Variants in MYT1L observed in about 807,000 individuals in gnomAD.
MYT1L encodes the protein myelin transcription factor 1 like.
Under a neutral mutation model 126.7 loss-of-function variants are expected in MYT1L, and 12 were observed. That is an observed-to-expected ratio of 0.09 (90% CI 0.06 to 0.15). The LOEUF is 0.15. Among genes scored for constraint, MYT1L ranks in the 10% least tolerant of loss-of-function variants. The pLI, the probability that MYT1L is intolerant of heterozygous loss-of-function variation, is 1.00. For synonymous variants in MYT1L, 541 were observed against 604.2 expected, an observed-to-expected ratio of 0.90 and a Z score of 1.53; for missense variants, 979 against 1,585.2, an observed-to-expected ratio of 0.62 and a Z score of 6.49.
intron 21 of MYT1L, among the ~76,000 whole-genome samples, chr2:1,832,313 C>T (rs1382542215): frequency 1.3e-5 from 2 of 152,194 alleles, no homozygotes; most frequent in African/African-American, 2.4e-5. Flanking sequence ...GGAACCTGAT[C>T]TCAGACTTCC....
intron 5 of MYT1L, among the ~76,000 whole-genome samples, chr2:1,985,980 G>A (rs1480483857): frequency 6.6e-6 from 1 of 152,224 alleles, no homozygotes; most frequent in Admixed American, 6.5e-5. Flanking sequence ...TGGGAGGACA[G>A]CCATAGGAAG....
chr2:2,069,924 T>C lies in MYT1L; in HGVS notation c.-303-15801A>G, dbSNP rs567033613. Reference sequence around the variant, plus strand: ...GCCCACTTTTTGATGGGGTTGTTTTTTCTTGTAAAATTTTTTTAAGGTACT... The same window carrying C: ...GCCCACTTTTTGATGGGGTTGTTTTCTCTTGTAAAATTTTTTTAAGGTACT... On this transcript the variant is annotated intron_variant, in intron 3 of 24. Coordinates refer to ENST00000647738, the MANE Select transcript of MYT1L (RefSeq NM_001303052.2). Among the ~76,000 whole-genome samples the C allele has an allele frequency of 1.8e-4, 27 of 151,214 alleles. No homozygotes were observed. In the South Asian group the frequency reaches 5.6e-3, roughly 31 times the overall value.
intron 14 of MYT1L, among the ~76,000 whole-genome samples, chr2:1,897,756 C>T (rs2049796526): frequency 6.6e-6 from 1 of 152,214 alleles, no homozygotes; most frequent in African/African-American, 2.4e-5. Flanking sequence ...AGCCACCACG[C>T]CGGCCCAGAG....
chr2:2,093,027 T>C (rs546306518), intron 3 of MYT1L, among the ~76,000 whole-genome samples: 23 of 152,314 alleles, frequency 1.5e-4, no homozygotes, highest in Non-Finnish European at 2.5e-4. Flanking sequence ...TACATTTTTG[T>C]AAGCAGGCAA....
At chr2:2,226,182 C>T (rs147719984) in intron 2 of MYT1L, among the ~76,000 whole-genome samples, 50 of 152,300 alleles carry the variant, frequency 3.3e-4, no homozygotes, top group African/African-American at 1.2e-3. Flanking sequence ...CACCCCAAAA[C>T]TCTTCACAGC....
intron 22 of MYT1L, among the ~76,000 whole-genome samples, chr2:1,807,180 A>G (rs932518973): frequency 1.3e-5 from 2 of 152,220 alleles, no homozygotes; most frequent in African/African-American, 4.8e-5. Flanking sequence ...TTGAGGACCA[A>G]TGTCAAGAAG....
chr2:1,817,509 T>A (rs1325109940), intron 21 of MYT1L, among the ~76,000 whole-genome samples: 1 of 152,204 alleles, frequency 6.6e-6, no homozygotes, highest in Non-Finnish European at 1.5e-5. Flanking sequence ...TTTGGGAAAC[T>A]AAATTAGGAA....
chr2:2,037,242 G>C (rs1574719358), intron 4 of MYT1L, among the ~76,000 whole-genome samples: 1 of 152,096 alleles, frequency 6.6e-6, no homozygotes, highest in Non-Finnish European at 1.5e-5. Flanking sequence ...CTGTCTGTTG[G>C]TTTCTGCCAA....
chr2:2,186,764 G>T (rs1457568319), intron 2 of MYT1L, among the ~76,000 whole-genome samples: 1 of 152,118 alleles, frequency 6.6e-6, no homozygotes, highest in Admixed American at 6.5e-5. Flanking sequence ...ATTCTACAAC[G>T]AATAAACTCT....
chr2:2,295,603 G>A (rs148386900), intron 1 of MYT1L, among the ~76,000 whole-genome samples: 1 of 76,342 alleles, frequency 1.3e-5, no homozygotes, highest in Non-Finnish European at 2.4e-5. Flanking sequence ...CAGAGAGAGA[G>A]ACAGACAGAG....
At chr2:1,938,682 A>G (rs2056286320) in intron 9 of MYT1L, among the ~76,000 whole-genome samples, 1 of 152,218 alleles carries the variant, frequency 6.6e-6, no homozygotes, top group African/African-American at 2.4e-5. Context: ...AATCTTAATT[A>G]GCCTCAGTTT....
At chr2:2,203,929 G>C (rs1232647941) in intron 2 of MYT1L, among the ~76,000 whole-genome samples, 11 of 152,048 alleles carry the variant, frequency 7.2e-5, no homozygotes, top group South Asian at 4.2e-4. Flanking sequence ...ACCAATGGAA[G>C]AGAACAGAGC....
At chr2:2,255,023 T>G (rs17039474) in intron 2 of MYT1L, among the ~76,000 whole-genome samples, 2,453 of 152,258 alleles carry the variant, frequency 0.016, 64 homozygotes, top group African/African-American at 0.056. Context: ...CTCCAGGAAA[T>G]ATTTGAAGTG....
intron 18 of MYT1L, 65 bp downstream of exon 18, chr2:1,886,473 CA>C: frequency 2.5e-6 from 3 of 1,198,828 alleles, no homozygotes; most frequent in Admixed American, 2.6e-5. Flanking sequence ...AATGACATAT[CA>C]TTTTTTTTTG....
chr2:2,208,060 G>A (rs981203741), intron 2 of MYT1L, among the ~76,000 whole-genome samples: 4 of 152,086 alleles, frequency 2.6e-5, no homozygotes, highest in African/African-American at 9.7e-5. Context: ...CATTGTCCAT[G>A]TACACTGCAG....
At chr2:1,967,648 T>G (rs552866819) in intron 8 of MYT1L, among the ~76,000 whole-genome samples, 3 of 152,342 alleles carry the variant, frequency 2.0e-5, no homozygotes, top group Admixed American at 1.3e-4. Flanking sequence ...GAGTGCCTTC[T>G]GCGCAGCTGC....
intron 18 of MYT1L, among the ~76,000 whole-genome samples, chr2:1,883,410 A>G (rs2047810253): frequency 6.6e-6 from 1 of 152,210 alleles, no homozygotes; most frequent in Admixed American, 6.5e-5. Context: ...AAAGAAAAAG[A>G]AAAGGCTGAC....
Position 2,052,704 on chromosome 2 carries a change from C to A in MYT1L, c.-158+1274G>T, listed in dbSNP as rs1244328081. ...CACTAATAATGAGGGAAATGCAAAT[C>A]AAAACCACAATAGGATGCCACTTCA... is the stretch of plus-strand genomic sequence containing the variant. On this transcript the variant is annotated intron_variant, in intron 4 of 24. Transcript: ENST00000647738. Among the ~76,000 whole-genome samples, 3 of 152,108 alleles carry A rather than the reference C, an allele frequency of 2.0e-5. 1 individual carries two copies. Among genetic ancestry groups the A allele is most frequent in the African/African-American group, 7.2e-5 (3 of 41,440 alleles).
chr2:2,287,117 G>A (rs928376820), intron 1 of MYT1L, among the ~76,000 whole-genome samples: 8 of 152,252 alleles, frequency 5.3e-5, no homozygotes, highest in Middle Eastern at 3.4e-3. Context: ...TTAGCCAGGC[G>A]TGGTGGTGCA....
Sources: gnomAD v4.1 joint callset for allele counts (sites outside exome capture counted in the v4.1 genomes callset) on GRCh38, gnomAD v4.1.1 for gene constraint, MANE v1.5 for transcripts, NCBI Gene and HGNC (gene_info 2026-07-23, HGNC 2026-07-21) for gene names.